The following FNDC3A variants were observed in gnomAD, a reference collection of about 807,000 sequenced individuals.
The protein encoded by FNDC3A is fibronectin type III domain containing 3A, also known as fibronectin type-III domain-containing protein 3A.
Under a neutral mutation model 148.9 loss-of-function variants are expected in FNDC3A, and 32 were observed. The observed-to-expected ratio is 0.21, with a 90% CI of 0.16 to 0.29. The LOEUF (loss-of-function observed/expected upper bound fraction) is 0.29, where lower values mean the gene tolerates loss of function less well. FNDC3A is among the 10% of genes least tolerant of loss of function. The pLI, the probability that FNDC3A is intolerant of heterozygous loss-of-function variation, is 1.00. For missense variants in FNDC3A, 1,191 were observed against 1,452.8 expected (o/e 0.82, Z 2.93); for synonymous variants, 472 against 473.6 (o/e 1.00, Z 0.04).
chr13:49,046,584 C>A, intron 2 of FNDC3A: 1 of 163,844 alleles, frequency 6.1e-6, no homozygotes. Context: ...ATTTATACAC[C>A]CATGATTCAT....
At chr13:49,076,432 A>G (rs531526358) in intron 3 of FNDC3A, among the ~76,000 whole-genome samples, 2 of 151,906 alleles carry the variant, frequency 1.3e-5, no homozygotes, top group South Asian at 4.2e-4. Flanking sequence ...TTTAGTAGAG[A>G]TGGGGTTTCA....
intron 2 of FNDC3A, among the ~76,000 whole-genome samples, chr13:49,068,208 G>T (rs9596061): frequency 2.0e-5 from 3 of 149,866 alleles, no homozygotes; most frequent in South Asian, 4.2e-4. Flanking sequence ...GTGTGTGTGT[G>T]TGTAATTTAG....
At chr13:49,051,219 G>GT (rs898996745) in intron 2 of FNDC3A, among the ~76,000 whole-genome samples, 4 of 151,936 alleles carry the variant, frequency 2.6e-5, no homozygotes, top group Non-Finnish European at 4.4e-5. Context: ...TTGGGTTTTT[G>GT]TTTTGTTTTG....
At chr13:49,152,154 T>A (rs1883340089) in intron 8 of FNDC3A, among the ~76,000 whole-genome samples, 1 of 152,210 alleles carries the variant, frequency 6.6e-6, no homozygotes, top group South Asian at 2.1e-4. Flanking sequence ...ATCACCACAC[T>A]GTCTTCCACA....
chr13:49,082,316 G>A (rs1430450628), intron 3 of FNDC3A, among the ~76,000 whole-genome samples: 1 of 152,092 alleles, frequency 6.6e-6, no homozygotes, highest in African/African-American at 2.4e-5. Flanking sequence ...GACCCGGGAA[G>A]CAGAGGTTGC....
chr13:49,016,665 G>C (rs1215714234), intron 2 of FNDC3A, among the ~76,000 whole-genome samples: 1 of 152,026 alleles, frequency 6.6e-6, no homozygotes, highest in African/African-American at 2.4e-5. Flanking sequence ...GTTTGCTCTT[G>C]CTTTTCTAAT....
intron 2 of FNDC3A, among the ~76,000 whole-genome samples, chr13:49,017,800 G>T (rs972288088): frequency 6.6e-6 from 1 of 151,632 alleles, no homozygotes; most frequent in Non-Finnish European, 1.5e-5. Context: ...AGGCCTGGTG[G>T]TGACAAAATC....
chr13:49,133,142 G>T (rs1374294550), intron 5 of FNDC3A, among the ~76,000 whole-genome samples: 3 of 152,116 alleles, frequency 2.0e-5, no homozygotes, highest in African/African-American at 7.2e-5. Flanking sequence ...TGGTTCAGTA[G>T]CTCTGGGTAG....
chr13:49,028,746 G>A (rs1873907843), intron 2 of FNDC3A, among the ~76,000 whole-genome samples: 1 of 152,156 alleles, frequency 6.6e-6, no homozygotes, highest in African/African-American at 2.4e-5. Context: ...CTGAAATAAT[G>A]ATTGACAGAA....
chr13:49,102,213 A>G (rs559111914), intron 3 of FNDC3A, among the ~76,000 whole-genome samples: 5 of 151,588 alleles, frequency 3.3e-5, no homozygotes, highest in African/African-American at 9.7e-5. Context: ...TCTTCAATTT[A>G]TCATGGCTTG....
chr13:49,069,938 T>TTAAC, intron 2 of FNDC3A, among the ~76,000 whole-genome samples: 1 of 152,350 alleles, frequency 6.6e-6, no homozygotes, highest in African/African-American at 2.4e-5. Flanking sequence ...ATTGTATTGG[T>TTAAC]TAACTCTCAA....
intron 4 of FNDC3A, among the ~76,000 whole-genome samples, chr13:49,117,865 A>G (rs954702590): frequency 2.6e-5 from 4 of 152,196 alleles, no homozygotes; most frequent in Admixed American, 6.5e-5. Flanking sequence ...ACAACTGCAT[A>G]TGTATTTTTA....
intron 1 of FNDC3A, among the ~76,000 whole-genome samples, chr13:48,980,807 G>A (rs986428360): frequency 2.0e-5 from 3 of 152,096 alleles, no homozygotes; most frequent in East Asian, 1.9e-4. Flanking sequence ...CATCAAGAGA[G>A]CAAGAATACA....
intron 2 of FNDC3A, among the ~76,000 whole-genome samples, chr13:49,025,125 A>G (rs969095217): frequency 6.6e-6 from 1 of 152,012 alleles, no homozygotes; most frequent in Non-Finnish European, 1.5e-5. Flanking sequence ...CTTTTTTGGA[A>G]TTGAAATACA....
At chr13:49,148,195 C>T (rs1443732501) in intron 8 of FNDC3A, among the ~76,000 whole-genome samples, 1 of 152,072 alleles carries the variant, frequency 6.6e-6, no homozygotes, top group East Asian at 1.9e-4. Flanking sequence ...TGGTTGTTTC[C>T]TCTGCTGTGC....
At chr13:49,095,646 A>T (rs1342649336) in intron 3 of FNDC3A, among the ~76,000 whole-genome samples, 1 of 152,124 alleles carries the variant, frequency 6.6e-6, no homozygotes, top group East Asian at 1.9e-4. Context: ...TTAGAAGGAT[A>T]TCCTGGTGAG....
intron 2 of FNDC3A, among the ~76,000 whole-genome samples, chr13:49,019,276 T>C (rs1031349459): frequency 3.2e-4 from 49 of 152,226 alleles, no homozygotes; most frequent in African/African-American, 1.2e-3. Flanking sequence ...TAGGACCCTC[T>C]GAGCTAGGTG....
At chr13:49,032,451 T>C (rs1056130219) in intron 2 of FNDC3A, among the ~76,000 whole-genome samples, 2 of 152,206 alleles carry the variant, frequency 1.3e-5, no homozygotes, top group African/African-American at 2.4e-5. Context: ...GGCTGTAAAC[T>C]GGAATGAAGC....
rs751990807 is a variant in FNDC3A, at chr13:49,198,546, C to T, written c.2959C>T (p.His987Tyr). ...ATTGTCAACCGATTCTATTCAGTAC[C>T]ACCTTCAGATGGAGGATAAGAATGG... ...KTLSTDSIQY[H>Y]LQMEDKNGRF... Residue 987 changes from histidine to tyrosine, a missense_variant, in exon 23 of 26, where the codon CAC becomes TAC. Physicochemically the swap from His to Tyr is moderately conservative, Grantham distance 83. This residue lies in a region of FNDC3A where 751 missense variants were observed against 944.0 expected (regional missense o/e 0.80). Transcript: ENST00000492622. The T allele has an allele frequency of 1.9e-6, 3 of 1,613,886 alleles. No individual in the cohort carries two copies. The highest frequency in any genetic ancestry group is 1.1e-5 in the South Asian group (1 of 91,080).
Sources: gnomAD v4.1 joint callset for allele counts (sites outside exome capture counted in the v4.1 genomes callset) on GRCh38, gnomAD v4.1.1 for gene constraint, gnomAD v4.1.1 regional missense constraint, MANE v1.5 for transcripts, NCBI Gene and HGNC (gene_info 2026-07-23, HGNC 2026-07-21) for gene names.